Variants in LRIG3 observed in about 807,000 individuals in gnomAD.
LRIG3 encodes leucine rich repeats and immunoglobulin like domains 3.
In LRIG3, 76 loss-of-function variants were observed where a neutral mutation model predicts 114.5. The ratio of observed to expected loss-of-function variants is 0.66; its 90% CI spans 0.55 to 0.80. LRIG3 has a LOEUF of 0.80. LRIG3 is among the 30% of genes least tolerant of loss of function. The pLI is 0.00. For missense variants in LRIG3, 1,239 were observed against 1,382.8 expected, an observed-to-expected ratio of 0.90 and a Z score of 1.65; for synonymous variants, 512 against 519.8, an observed-to-expected ratio of 0.98 and a Z score of 0.20.
rs1041185736 is a variant in LRIG3 at position 58,919,981 on chromosome 12, C to T, written c.236+19G>A. On this transcript the variant is annotated intron_variant, in intron 1 of 18. Transcript: ENST00000320743. The stretch of plus-strand genomic sequence containing the variant: ...CTCCAGCGGCCCGGGCCCCCTCCCC[C>T]CGCGGGAAGAATACTTACAGCCGAG... 17 of 1,549,048 alleles carry T rather than the reference C, an allele frequency of 1.1e-5. No individual in the cohort carries two copies. Among genetic ancestry groups the T allele is most frequent in the Non-Finnish European group, 1.3e-5 (15 of 1,145,966 alleles).
chr12:58,883,656 T>C, intron 10 of LRIG3, 65 bp from the exon 11 acceptor site: 1 of 1,283,056 alleles, frequency 7.8e-7, no homozygotes, highest in South Asian at 1.7e-5. Flanking sequence ...TTGGACAAAG[T>C]TTGGGCCCCC....
intron 12 of LRIG3, 40 bp from the exon 13 acceptor site, chr12:58,880,941 G>T: frequency 6.4e-7 from 1 of 1,571,246 alleles, no homozygotes; most frequent in African/African-American, 1.4e-5. Context: ...CAATGTTAAG[G>T]CTCAAGAGTC....
In LRIG3 at chr12:58,878,810, A is replaced by G. The variant is rs1315311659; in HGVS notation, c.2083+14T>C. The G allele has an allele frequency of 6.2e-7, 1 of 1,606,234 alleles. No individual in the cohort carries two copies. Among genetic ancestry groups the G allele is most frequent in the Non-Finnish European group, 8.5e-7 (1 of 1,174,704 alleles). Reference sequence around the variant, plus strand: ...GACTGATTTATACTACAGAATCTTAACAAATTCACCCACCTAGGACAGTCA... The same window carrying G: ...GACTGATTTATACTACAGAATCTTAGCAAATTCACCCACCTAGGACAGTCA... On this transcript the variant is annotated intron_variant, in intron 14 of 18. Transcript: ENST00000320743.
Position 58,874,291 on chromosome 12 carries a change from T to C in LRIG3, c.2879A>G (p.Tyr960Cys), listed in dbSNP as rs1241978698. The C allele has an allele frequency of 8.1e-6, 13 of 1,613,388 alleles. No homozygotes were observed. Among genetic ancestry groups the C allele is most frequent in the East Asian group, 2.2e-5 (1 of 44,890 alleles). Residue 960 changes from tyrosine to cysteine, a missense_variant, in exon 18 of 19, where the codon TAT becomes TGT. Transcript: ENST00000320743. The stretch of plus-strand genomic sequence containing the variant: ...CTTTTTCTTTATGTAACTGGGCTCA[T>C]AGTGGTCCATTAAAACTGTTCTTGG... ...PDPRTVLMDH[Y>C]EPSYIKKKEC...
At chr12:58,919,451 C>T (rs368909896) in intron 1 of LRIG3, 5 of 1,551,424 alleles carry the variant, frequency 3.2e-6, no homozygotes, top group Non-Finnish European at 4.4e-6. Context: ...AAAAAGCAAG[C>T]AGAGGGAGAA....
At chr12:58,896,042 A>T (rs1269034783) in intron 3 of LRIG3, among the ~76,000 whole-genome samples, 1 of 152,216 alleles carries the variant, frequency 6.6e-6, no homozygotes, top group Non-Finnish European at 1.5e-5. Flanking sequence ...CAGAGTGCAG[A>T]CTAGGGTCCC....
intron 5 of LRIG3, among the ~76,000 whole-genome samples, chr12:58,889,489 C>T (rs779332340): frequency 6.6e-6 from 1 of 151,854 alleles, no homozygotes; most frequent in African/African-American, 2.4e-5. Flanking sequence ...CTTAGAGGTC[C>T]TAATATAATT....
chr12:58,887,862 G>T lies in LRIG3; in HGVS notation c.1018C>A (p.Leu340Met), dbSNP rs143586599. 95 of 1,613,822 alleles carry T rather than the reference G, an allele frequency of 5.9e-5. No individual in the cohort carries two copies. Among genetic ancestry groups the T allele is most frequent in the Non-Finnish European group, 8.0e-5 (94 of 1,179,870 alleles). Residue 340 changes from leucine to methionine, a missense_variant, in exon 8 of 19, where the codon CTG becomes ATG. By Grantham distance (15) the Leu-to-Met change is conservative (BLOSUM62 2). Transcript: ENST00000320743. ...SFLGLSLLNT[L>M]HIGNNRVSYI... is the part of the protein sequence containing the mutation. ...CTGACTCTGTTGTTCCCAATGTGCA[G>T]TGTATTTAGTAAGCTTAGGCCAAGG... is the stretch of plus-strand genomic sequence containing the variant.
At chr12:58,902,770 C>G (rs2120952869) in intron 3 of LRIG3, among the ~76,000 whole-genome samples, 1 of 139,774 alleles carries the variant, frequency 7.2e-6, no homozygotes, top group Non-Finnish European at 1.5e-5. Flanking sequence ...CTTCCTGTGT[C>G]CATGTGTTCT....
chr12:58,910,265 C>T (rs937189771), intron 3 of LRIG3, among the ~76,000 whole-genome samples: 3 of 152,134 alleles, frequency 2.0e-5, no homozygotes, highest in African/African-American at 7.2e-5. Flanking sequence ...ACTCCTGGGC[C>T]CCACCCAAAT....
chr12:58,901,628 C>T (rs1871851734), intron 3 of LRIG3, among the ~76,000 whole-genome samples: 1 of 152,074 alleles, frequency 6.6e-6, no homozygotes, highest in South Asian at 2.1e-4. Flanking sequence ...TTGTCTATAC[C>T]CCATGTCATA....
intron 3 of LRIG3, among the ~76,000 whole-genome samples, chr12:58,912,495 C>CAA (rs201463898): frequency 6.9e-6 from 1 of 144,404 alleles, no homozygotes; most frequent in Non-Finnish European, 1.5e-5. Flanking sequence ...GACTCTGTCT[C>CAA]AAAAAAAAAA....
chr12:58,904,626 T>C (rs142430544), intron 3 of LRIG3, among the ~76,000 whole-genome samples: 1 of 152,290 alleles, frequency 6.6e-6, no homozygotes, highest in Non-Finnish European at 1.5e-5. Context: ...AAATGGGTCA[T>C]TGTCAAATCT....
chr12:58,885,555 A>G (rs1871248904), intron 10 of LRIG3, among the ~76,000 whole-genome samples: 1 of 152,070 alleles, frequency 6.6e-6, no homozygotes, highest in South Asian at 2.1e-4. Context: ...TTAAATAATC[A>G]CTGTTTGAGA....
intron 3 of LRIG3, among the ~76,000 whole-genome samples, chr12:58,909,754 G>C (rs561480651): frequency 1.8e-4 from 28 of 152,316 alleles, no homozygotes; most frequent in Admixed American, 1.8e-3. Flanking sequence ...ACCTGGCAAA[G>C]GGTGGAGCCA....
Position 58,920,400 on chromosome 12 carries a change from CCTTTCATGCCCCCAAA to C in LRIG3, c.-181_-166del. On this transcript the variant is annotated 5_prime_UTR_variant, in exon 1 of 19. An upstream start codon of the reference 5' UTR is lost. Transcript: ENST00000320743. ...CTTCTTTTACTCCCGGCGGCGAAGCCCTTTCATGCCCCCAAACAGCAGGAGGGAAACCGAAAAGAAC... is the reference window on the plus strand; with the variant it reads ...CTTCTTTTACTCCCGGCGGCGAAGCCCAGCAGGAGGGAAACCGAAAAGAAC... The C allele has an allele frequency of 2.2e-6, 1 of 463,092 alleles. No individual in the cohort carries two copies. The highest frequency in any genetic ancestry group is 3.7e-5 in the East Asian group (1 of 27,180). The allele number at this position is 463,092 out of a possible 1,614,324, so 28.7% of individuals were successfully genotyped here.
At chr12:58,879,519 A>G (rs1052331554) in intron 13 of LRIG3, among the ~76,000 whole-genome samples, 2 of 152,244 alleles carry the variant, frequency 1.3e-5, no homozygotes, top group Admixed American at 6.5e-5. Flanking sequence ...TTTAAGATAC[A>G]TGTTTTGCCC....
At chr12:58,876,419 A>C in intron 16 of LRIG3, 26 bp downstream of exon 16, 3 of 1,609,242 alleles carry the variant, frequency 1.9e-6, no homozygotes, top group Non-Finnish European at 1.7e-6. Flanking sequence ...AAACAATTAC[A>C]GCCCACATTC....
At chr12:58,905,142 T>C (rs1475619855) in intron 3 of LRIG3, among the ~76,000 whole-genome samples, 1 of 152,134 alleles carries the variant, frequency 6.6e-6, no homozygotes, top group Non-Finnish European at 1.5e-5. Context: ...TGCAGAGCAT[T>C]GTACGTCTTG....
Sources: gnomAD v4.1 joint callset for allele counts (sites outside exome capture counted in the v4.1 genomes callset) on GRCh38, gnomAD v4.1.1 for gene constraint, MANE v1.5 for transcripts, NCBI Gene and HGNC (gene_info 2026-07-23, HGNC 2026-07-21) for gene names.